Variants in SLC24A5 observed in about 807,000 individuals in gnomAD.
SLC24A5 encodes the protein solute carrier family 24 member 5.
In SLC24A5, 46 loss-of-function variants were observed where a neutral mutation model predicts 51.6. That is an observed-to-expected ratio of 0.89 (90% CI 0.70 to 1.14). The LOEUF is 1.14. SLC24A5 is among the 50% of genes most tolerant of loss of function. SLC24A5 has a pLI of 0.00. For missense variants in SLC24A5, 581 were observed against 604.1 expected (o/e 0.96, Z 0.40); for synonymous variants, 230 against 214.9 (o/e 1.07, Z -0.62).
At position 48,134,914 on chromosome 15, in the gene SLC24A5, A is replaced by G. The variant is rs1939416863; in HGVS notation, c.520A>G (p.Arg174Gly). Residue 174 changes from arginine to glycine, a missense_variant, in exon 5 of 9, where the codon AGA (arginine) becomes GGA (glycine). Transcript: ENST00000341459. ...AACACTATCATGTTGGCCCCTATTC[A>G]GAGACTGTGCAGCGTACACAATTAG... ...VSTLSCWPLF[R>G]DCAAYTISAA... 6.2e-7 allele frequency: 1 copy of G among 1,612,346 alleles called. No homozygotes were observed. The highest frequency in any genetic ancestry group is 1.1e-5 in the South Asian group (1 of 90,724).
chr15:48,121,885 A>T lies in SLC24A5; in HGVS notation c.150A>T (p.Pro50=), dbSNP rs2038682554. 5 of 1,614,162 alleles carry T rather than the reference A, an allele frequency of 3.1e-6. No individual in the cohort carries two copies. Among genetic ancestry groups the T allele is most frequent in the Non-Finnish European group, 4.2e-6 (5 of 1,180,008 alleles). ...TGNSTQCVIS[P]SSEFPEGFFT... is the part of the protein sequence containing the mutation. The stretch of plus-strand genomic sequence containing the variant: ...ATAGCACCCAATGTGTTATTTCTCC[A>T]TCATCGGAGTTTCCCGAAGGGTTTT... The change falls in exon 2 of 9, where the codon CCA becomes CCT. Residue 50 remains proline (P), a synonymous_variant. Coordinates refer to ENST00000341459, the MANE Select transcript of SLC24A5 (RefSeq NM_205850.3).
rs181488402 is a variant in SLC24A5, at chr15:48,142,273, C to T, written c.1425C>T (p.Tyr475=). The T allele has an allele frequency of 8.7e-6, 14 of 1,613,562 alleles. No individual in the cohort carries two copies. In the Admixed American group the frequency reaches 2.0e-4, roughly 23 times the overall value. ...RKLGIVCLLS[Y]LGLATLSVLY... ...TGGGAATAGTCTGCCTATTATCATA[C>T]TTGGGGCTTGCTACATTATCAGTTC... Residue 475 remains tyrosine, a synonymous_variant, in exon 9 of 9, where the codon TAC becomes TAT. Transcript: ENST00000341459.
intron 2 of SLC24A5, among the ~76,000 whole-genome samples, chr15:48,129,712 TG>T (rs2038769577): frequency 1.3e-5 from 2 of 151,572 alleles, no homozygotes; most frequent in African/African-American, 4.8e-5. Context: ...AATGTAGACT[TG>T]GGGGTGGGGG....
Position 48,142,035 on chromosome 15 carries a change from G to C in SLC24A5, c.1187G>C (p.Gly396Ala), listed in dbSNP as rs758699282. The C allele has an allele frequency of 1.2e-6, 2 of 1,606,308 alleles. No homozygotes were observed. The highest frequency in any genetic ancestry group is 1.3e-5 in the African/African-American group (1 of 74,504). The change falls in exon 9 of 9, where the codon GGA (glycine) becomes GCA (alanine). Residue 396 changes from glycine to alanine, a missense_variant. Gly to Ala is a moderately conservative substitution (Grantham distance 60). Transcript: ENST00000341459. ...ASVLVARKGKGDMAMSNIVGS... is the reference protein window; with the variant it reads ...ASVLVARKGKADMAMSNIVGS... ...GTATGCTTTTCTTTTGTAGGGAAAG[G>C]AGATATGGCTATGTCTAACATCGTG...
chr15:48,130,152 T>C (rs2038775040), intron 2 of SLC24A5, among the ~76,000 whole-genome samples: 1 of 152,264 alleles, frequency 6.6e-6, no homozygotes, highest in East Asian at 1.9e-4. Context: ...AAGTTGAACA[T>C]TTCTACTATA....
Position 48,136,900 on chromosome 15 carries a change from TATG to T in SLC24A5, c.810_812del (p.Tyr270_Glu271delinsTer). 6.2e-7 allele frequency: 1 copy of T among 1,613,874 alleles called. No individual in the cohort carries two copies. Among genetic ancestry groups the T allele is most frequent in the Non-Finnish European group, 8.5e-7 (1 of 1,179,812 alleles). On this transcript the variant is annotated stop_gained and inframe_deletion, in exon 6 of 9. Transcript: ENST00000341459. LOFTEE classifies it high-confidence loss of function. ...ATCAAGAACTGATAGTGGAATATTT[TATG>T]AAGATTCTGGCTACTCTCAGCTCTC...
At chr15:48,139,722 T>C (rs1294760915) in intron 7 of SLC24A5, 1 of 152,174 alleles carries the variant, frequency 6.6e-6, no homozygotes, top group African/African-American at 2.4e-5. Context: ...CTTAACTAGC[T>C]ACTGCTGCTT....
At chr15:48,123,229 T>C (rs935117117) in intron 2 of SLC24A5, 2 of 151,792 alleles carry the variant, frequency 1.3e-5, no homozygotes, top group Admixed American at 1.3e-4. Context: ...TACAAACATA[T>C]GCTTTTATCT....
At chr15:48,138,705 T>A in intron 6 of SLC24A5, 1 of 374,662 alleles carries the variant, frequency 2.7e-6, no homozygotes, top group Non-Finnish European at 4.9e-6. Flanking sequence ...ATCTACAATA[T>A]ATTTAACGAA....
chr15:48,134,526 GCTAT>G lies in SLC24A5; in HGVS notation c.481_484del (p.Ser161IlefsTer28). ...TTGGCATCTGTGCTGCCTGTGGTTTGCTATCTAATACGGTATGTAACAAAACCAT... is the reference window on the plus strand; with the variant it reads ...TTGGCATCTGTGCTGCCTGTGGTTTGCTAATACGGTATGTAACAAAACCAT... On this transcript the variant is annotated frameshift_variant, in exon 4 of 9. Transcript: ENST00000341459. LOFTEE classifies it high-confidence loss of function. The G allele has an allele frequency of 6.2e-7, 1 of 1,612,330 alleles. No individual in the cohort carries two copies. Among genetic ancestry groups the G allele is most frequent in the Non-Finnish European group, 8.5e-7 (1 of 1,178,590 alleles).
chr15:48,122,369 T>C (rs2140704146), intron 2 of SLC24A5: 1 of 425,536 alleles, frequency 2.3e-6, no homozygotes, highest in Non-Finnish European at 4.1e-6. Flanking sequence ...CCTAATACAA[T>C]GAAACTCCTA....
chr15:48,130,909 A>T (rs1181201821), intron 2 of SLC24A5, among the ~76,000 whole-genome samples: 5 of 152,136 alleles, frequency 3.3e-5, no homozygotes, highest in Non-Finnish European at 7.4e-5. Flanking sequence ...GTGGTAAAAT[A>T]AAAACAGCAT....
chr15:48,140,215 C>T (rs913748776), intron 7 of SLC24A5: 1 of 151,892 alleles, frequency 6.6e-6, no homozygotes, highest in Admixed American at 6.6e-5. Context: ...TAATAGATCA[C>T]AGAACAGCCC....
rs76886827 is a variant in SLC24A5, at chr15:48,134,455, G to A, written c.406G>A (p.Asp136Asn). The change falls in exon 4 of 9, where the codon GAT (aspartate) becomes AAT (asparagine). Residue 136 changes from aspartate (D) to asparagine (N), a missense_variant. Physicochemically the swap from Asp to Asn is conservative, Grantham distance 23 (BLOSUM62 1). Coordinates refer to ENST00000341459, the MANE Select transcript of SLC24A5 (RefSeq NM_205850.3). ...AFLGVFITKG[D>N]IGISTILGSA... is the part of the protein sequence containing the mutation. ...CATAGGTGTATTTATCACAAAGGGA[G>A]ATATTGGCATTAGCACCATCCTTGG... The A allele has an allele frequency of 3.7e-6, 6 of 1,613,308 alleles. No homozygotes were observed. The highest frequency in any genetic ancestry group is 5.1e-6 in the Non-Finnish European group (6 of 1,179,492).
intron 6 of SLC24A5, 141 bp from the exon 7 acceptor site, chr15:48,138,828 G>C (rs937940053): frequency 1.6e-6 from 1 of 630,884 alleles, no homozygotes; most frequent in Admixed American, 3.0e-5. Context: ...AGCAATATCA[G>C]TAATGAGGTA....
intron 2 of SLC24A5, chr15:48,122,411 TTTTTA>T: frequency 3.0e-6 from 1 of 330,858 alleles, no homozygotes; most frequent in Non-Finnish European, 5.4e-6. Context: ...AAAAAACTTT[TTTTTA>T]TTTTTACTCT....
In SLC24A5 at chr15:48,122,032, T is replaced by C; in HGVS notation, c.297T>C (p.Ser99=). 6.2e-7 allele frequency: 1 copy of C among 1,614,192 alleles called. No homozygotes were observed. Among genetic ancestry groups the C allele is most frequent in the South Asian group, 1.1e-5 (1 of 91,086 alleles). ...TCCTACCCTCCCTGGAAATCATCAG[T>C]GAATGTAAGTGGCTGGAAAGTTGCC... ...EYFLPSLEII[S]ESLGLSQDVA... is the part of the protein sequence containing the mutation. The change falls in exon 2 of 9, where the codon AGT becomes AGC. Residue 99 remains serine, a synonymous_variant. Transcript: ENST00000341459.
Position 48,134,439 on chromosome 15 carries a change from A to G in SLC24A5, c.390A>G (p.Val130=). The change falls in exon 4 of 9, where the codon GTA becomes GTG. Residue 130 remains valine (V), a synonymous_variant. Transcript: ENST00000341459. The stretch of plus-strand genomic sequence containing the variant: ...CTGGTACTATCTTGCACATAGGTGT[A>G]TTTATCACAAAGGGAGATATTGGCA... ...APELVTAFLG[V]FITKGDIGIS... is the part of the protein sequence containing the mutation. 1 of 1,613,004 alleles carries G rather than the reference A, an allele frequency of 6.2e-7. No individual in the cohort carries two copies. The highest frequency in any genetic ancestry group is 1.1e-5 in the South Asian group (1 of 91,044).
chr15:48,134,470 A>G lies in SLC24A5; in HGVS notation c.421A>G (p.Thr141Ala). ...CACAAAGGGAGATATTGGCATTAGC[A>G]CCATCCTTGGATCTGCAATTTATAA... Reference protein sequence around the residue: ...FITKGDIGISTILGSAIYNLL... With the variant: ...FITKGDIGISAILGSAIYNLL... Residue 141 changes from threonine (T) to alanine (A), a missense_variant, in exon 4 of 9, where the codon ACC becomes GCC. By Grantham distance (58) the Thr-to-Ala change is moderately conservative. Transcript: ENST00000341459. 1 of 1,613,598 alleles carries G rather than the reference A, an allele frequency of 6.2e-7. No homozygotes were observed. The highest frequency in any genetic ancestry group is 2.2e-5 in the East Asian group (1 of 44,870).
Sources: allele counts gnomAD v4.1 joint callset (sites outside exome capture counted in the v4.1 genomes callset), GRCh38; gene constraint gnomAD v4.1.1; transcripts MANE v1.5; gene names NCBI Gene and HGNC (gene_info 2026-07-23, HGNC 2026-07-21).